The following GNAO1 variants were observed in gnomAD, a reference collection of about 807,000 sequenced individuals.
GNAO1 encodes the protein guanine nucleotide-binding protein G(o) subunit alpha.
For synonymous variants in GNAO1, 164 were observed against 180.7 expected (o/e 0.91, Z 0.74); for missense variants, 166 against 478.7 (o/e 0.35, Z 6.10).
intron 4 of GNAO1, among the ~76,000 whole-genome samples, chr16:56,331,251 G>A (rs2037685566): frequency 6.6e-6 from 1 of 152,196 alleles, no homozygotes; most frequent in Non-Finnish European, 1.5e-5. Context: ...TGTGAACAGG[G>A]CTGGCTCTCC....
rs546450335 is a variant in GNAO1 at position 56,235,291 on chromosome 16, T to A, written c.162-40640T>A. 8.8e-6 allele frequency: 4 copies of A among 455,612 alleles called. No homozygotes were observed. In the Admixed American group the frequency reaches 9.4e-5, roughly 11 times the overall value. 28.2% of individuals were successfully genotyped at this position (455,612 alleles called of 1,614,324 possible). ...AGATCACCTAGAAACTTGATAGAGA[T>A]TTAGAATCTTAAAGAAGACAGAAGC... On this transcript the variant is annotated intron_variant, in intron 2 of 8. Coordinates refer to ENST00000262493, the MANE Select transcript of GNAO1 (RefSeq NM_020988.3).
At chr16:56,277,258 G>A (rs147522978) in intron 3 of GNAO1, among the ~76,000 whole-genome samples, 89 of 152,326 alleles carry the variant, frequency 5.8e-4, no homozygotes, top group African/African-American at 2.0e-3. Flanking sequence ...CCTCCTGGAG[G>A]CCAAGTTGGG....
intron 2 of GNAO1, among the ~76,000 whole-genome samples, chr16:56,214,749 C>T (rs1179217480): frequency 6.6e-6 from 1 of 152,250 alleles, no homozygotes; most frequent in Non-Finnish European, 1.5e-5. Flanking sequence ...AGCTGTCCCT[C>T]TGTCCCAACC....
intron 3 of GNAO1, among the ~76,000 whole-genome samples, chr16:56,322,857 G>C (rs2037589439): frequency 6.6e-6 from 1 of 152,144 alleles, no homozygotes; most frequent in Non-Finnish European, 1.5e-5. Context: ...AGAAACTGGG[G>C]CCAAGCCTCA....
intron 2 of GNAO1, chr16:56,193,855 C>A (rs1177186339): frequency 2.9e-6 from 1 of 350,142 alleles, no homozygotes; most frequent in Admixed American, 3.8e-5. Flanking sequence ...TGCTGTGACA[C>A]CTTCGTGCAC....
intron 3 of GNAO1, among the ~76,000 whole-genome samples, chr16:56,322,844 G>A (rs994446692): frequency 1.3e-5 from 2 of 152,182 alleles, no homozygotes; most frequent in Admixed American, 1.3e-4. Flanking sequence ...ATAGGATTGA[G>A]TGAGAAACTG....
chr16:56,247,782 A>G (rs1255362553), intron 2 of GNAO1, among the ~76,000 whole-genome samples: 1 of 152,208 alleles, frequency 6.6e-6, no homozygotes, highest in African/African-American at 2.4e-5. Flanking sequence ...AATATTTGCA[A>G]ACATCCTGCC....
chr16:56,334,945 A>C, intron 5 of GNAO1, 88 bp downstream of exon 5: 4 of 1,403,742 alleles, frequency 2.8e-6, no homozygotes, highest in Non-Finnish European at 4.0e-6. Flanking sequence ...CAGCGCCCAA[A>C]CATCATCCTG....
At chr16:56,291,272 A>T (rs999698935) in intron 3 of GNAO1, among the ~76,000 whole-genome samples, 1 of 152,292 alleles carries the variant, frequency 6.6e-6, no homozygotes, top group Non-Finnish European at 1.5e-5. Context: ...CGTTCTCACT[A>T]ATACATGTTA....
At chr16:56,344,901 T>C in intron 6 of GNAO1, 1 of 985,296 alleles carries the variant, frequency 1.0e-6, no homozygotes, top group Non-Finnish European at 1.2e-6. Context: ...GGGTGGACTT[T>C]TGCAGCCAGT....
At chr16:56,317,955 A>C (rs1299287313) in intron 3 of GNAO1, among the ~76,000 whole-genome samples, 3 of 152,140 alleles carry the variant, frequency 2.0e-5, no homozygotes, top group Non-Finnish European at 4.4e-5. Context: ...CTTGCTCAGA[A>C]TCCTAAGCCC....
At chr16:56,211,731 G>A (rs2036390558) in intron 2 of GNAO1, among the ~76,000 whole-genome samples, 1 of 152,196 alleles carries the variant, frequency 6.6e-6, no homozygotes, top group South Asian at 2.1e-4. Context: ...CAGTGGCCTA[G>A]AGAGAATTTA....
At chr16:56,214,822 G>C (rs2036424158) in intron 2 of GNAO1, among the ~76,000 whole-genome samples, 1 of 152,248 alleles carries the variant, frequency 6.6e-6, no homozygotes. Flanking sequence ...GGGTGTTTCT[G>C]TCCCATGGCC....
chr16:56,293,730 T>C (rs1023054755), intron 3 of GNAO1, among the ~76,000 whole-genome samples: 1 of 152,186 alleles, frequency 6.6e-6, no homozygotes, highest in Non-Finnish European at 1.5e-5. Flanking sequence ...TGAGGCTAAT[T>C]TCAGAGCTGT....
Position 56,276,012 on chromosome 16 carries a change from G to C in GNAO1, c.243G>C (p.Leu81=), listed in dbSNP as rs1404005141. The stretch of plus-strand genomic sequence containing the variant: ...TCTACAGCAACACTATCCAGTCCCT[G>C]GCAGCCATCGTCCGGGCCATGGACA... ...PVVYSNTIQS[L]AAIVRAMDTL... The change falls in exon 3 of 9, where the codon CTG becomes CTC. Residue 81 remains leucine, a synonymous_variant. Coordinates refer to ENST00000262493, the MANE Select transcript of GNAO1 (RefSeq NM_020988.3). 6.2e-7 allele frequency: 1 copy of C among 1,614,068 alleles called. No homozygotes were observed. Among genetic ancestry groups the C allele is most frequent in the South Asian group, 1.1e-5 (1 of 91,070 alleles).
chr16:56,238,111 G>A (rs572256977), intron 2 of GNAO1, among the ~76,000 whole-genome samples: 435 of 89,504 alleles, frequency 4.9e-3, no homozygotes, highest in African/African-American at 0.017. Context: ...ATCCCCCCCC[G>A]CCCGCCCCAC....
chr16:56,292,756 T>C (rs1245817442), intron 3 of GNAO1, among the ~76,000 whole-genome samples: 1 of 152,238 alleles, frequency 6.6e-6, no homozygotes, highest in African/African-American at 2.4e-5. Flanking sequence ...TCCTGTTTGA[T>C]AATTGCCTAC....
At chr16:56,272,295 A>G (rs116117883) in intron 2 of GNAO1, among the ~76,000 whole-genome samples, 3,969 of 152,174 alleles carry the variant, frequency 0.026, 119 homozygotes, top group South Asian at 0.1. Context: ...GGCGACAGAC[A>G]GAGCGAGACT....
rs377740366 is a variant in GNAO1, at chr16:56,351,581, C to T, written c.877+44C>T. On this transcript the variant is annotated intron_variant, in intron 7 of 8. Transcript: ENST00000262493. The surrounding 1 kb of genome is among the most constrained non-coding windows in gnomAD (Gnocchi z 6.1). ...TGTGCAGGGGGAAGCCTGCCCCTGA[C>T]AGGGACCCATGGCTCAGAGAACAGG... 3 of 1,527,302 alleles carry T rather than the reference C, an allele frequency of 2.0e-6. No homozygotes were observed. The highest frequency in any genetic ancestry group is 1.1e-5 in the South Asian group (1 of 88,488). 94.6% of individuals were successfully genotyped at this position (1,527,302 alleles called of 1,614,324 possible).
Sources: allele counts gnomAD v4.1 joint callset (sites outside exome capture counted in the v4.1 genomes callset), GRCh38; gene constraint gnomAD v4.1.1; non-coding constraint Gnocchi (gnomAD v3.1); transcripts MANE v1.5; gene names NCBI Gene and HGNC (gene_info 2026-07-23, HGNC 2026-07-21).